Variants in GRIP1 observed in about 807,000 individuals in gnomAD.
The protein encoded by GRIP1 is glutamate receptor-interacting protein 1.
A neutral mutation model predicts 129.9 loss-of-function variants in GRIP1; 45 were observed. The ratio of observed to expected loss-of-function variants is 0.35; its 90% confidence interval spans 0.27 to 0.44. The LOEUF (loss-of-function observed/expected upper bound fraction) is 0.44. Ranked by LOEUF, GRIP1 falls within the 20% of genes least tolerant of loss-of-function variation. The pLI is 1.00. For missense variants in GRIP1, 1,196 were observed against 1,396.8 expected (o/e 0.86, Z 2.29); for synonymous variants, 530 against 520.8 (o/e 1.02, Z -0.24).
intron 23 of GRIP1, among the ~76,000 whole-genome samples, chr12:66,358,108 G>T (rs2054578981): frequency 6.6e-6 from 1 of 152,200 alleles, no homozygotes; most frequent in Admixed American, 6.5e-5. Context: ...TGGCCAGGCT[G>T]GTCTTGAACT....
intron 1 of GRIP1, among the ~76,000 whole-genome samples, chr12:66,821,972 G>C (rs2039327879): frequency 6.6e-6 from 1 of 151,982 alleles, no homozygotes; most frequent in African/African-American, 2.4e-5. Flanking sequence ...AAATAGAATA[G>C]GGGCCAAGTG....
intron 9 of GRIP1, among the ~76,000 whole-genome samples, chr12:66,461,485 G>A (rs145685284): frequency 1.3e-5 from 2 of 152,292 alleles, no homozygotes; most frequent in African/African-American, 4.8e-5. Context: ...TAGGAATGGT[G>A]TGCATCCTTG....
At chr12:66,986,899 T>C (rs983742044) in intron 1 of GRIP1, among the ~76,000 whole-genome samples, 4 of 151,696 alleles carry the variant, frequency 2.6e-5, no homozygotes, top group East Asian at 1.9e-4. Context: ...TAAAAATCAT[T>C]TGGAGACATT....
chr12:67,029,653 C>G (rs1194125373), intron 1 of GRIP1, among the ~76,000 whole-genome samples: 1 of 148,980 alleles, frequency 6.7e-6, no homozygotes, highest in South Asian at 2.1e-4. Context: ...TATTATTAAA[C>G]CAAAATCTTG....
chr12:67,014,962 A>C (rs1216124611), intron 1 of GRIP1, among the ~76,000 whole-genome samples: 1 of 152,220 alleles, frequency 6.6e-6, no homozygotes, highest in Non-Finnish European at 1.5e-5. Context: ...GAATGGTTAA[A>C]TGTTTTAAGT....
At chr12:66,355,529 A>G (rs1565659435) in intron 23 of GRIP1, among the ~76,000 whole-genome samples, 2 of 152,146 alleles carry the variant, frequency 1.3e-5, no homozygotes, top group Non-Finnish European at 2.9e-5. Context: ...GTGTGTGTGT[A>G]GCCTAGTGAC....
At chr12:66,450,303 C>CAAAAAAAAAAAAAAAAA (rs143013040) in intron 11 of GRIP1, among the ~76,000 whole-genome samples, 4 of 26,802 alleles carry the variant, frequency 1.5e-4, no homozygotes, top group Non-Finnish European at 1.8e-4. Flanking sequence ...GACTCCATCT[C>CAAAAAAAAAAAAAAAAA]AAAAAAAAAA....
intron 1 of GRIP1, among the ~76,000 whole-genome samples, chr12:66,708,733 A>T (rs537012137): frequency 6.6e-6 from 1 of 151,890 alleles, no homozygotes; most frequent in Non-Finnish European, 1.5e-5. Flanking sequence ...GTTTTGTTAC[A>T]TAGGTATACA....
At chr12:66,827,664 G>A (rs2039443447) in intron 1 of GRIP1, among the ~76,000 whole-genome samples, 1 of 152,036 alleles carries the variant, frequency 6.6e-6, no homozygotes, top group African/African-American at 2.4e-5. Flanking sequence ...CTATTTTAAT[G>A]CTTAGAAGAT....
chr12:67,005,833 A>C (rs1218445718), intron 1 of GRIP1, among the ~76,000 whole-genome samples: 2 of 152,364 alleles, frequency 1.3e-5, no homozygotes, highest in Non-Finnish European at 1.5e-5. Context: ...ATCAGCATTA[A>C]AACAGAACAA....
chr12:66,907,798 G>C (rs762907175), intron 1 of GRIP1, among the ~76,000 whole-genome samples: 28 of 152,108 alleles, frequency 1.8e-4, no homozygotes, highest in Non-Finnish European at 4.0e-4. Flanking sequence ...AAGTAAAACA[G>C]AAAGAGATTC....
chr12:66,978,499 A>G (rs2042188864), intron 1 of GRIP1, among the ~76,000 whole-genome samples: 1 of 152,166 alleles, frequency 6.6e-6, no homozygotes, highest in Non-Finnish European at 1.5e-5. Flanking sequence ...CTTTGTCTTA[A>G]GTAATTATGT....
intron 2 of GRIP1, among the ~76,000 whole-genome samples, chr12:66,553,182 A>G (rs2062200175): frequency 6.6e-6 from 1 of 152,218 alleles, no homozygotes; most frequent in Admixed American, 6.5e-5. Context: ...CAGATAAAGC[A>G]GTCACTACTG....
intron 15 of GRIP1, among the ~76,000 whole-genome samples, chr12:66,410,460 C>T (rs1178021038): frequency 6.1e-5 from 8 of 132,042 alleles, no homozygotes; most frequent in South Asian, 2.6e-4. Context: ...GGTGAAAGCC[C>T]GTCTCTACTA....
chr12:66,979,233 A>C (rs11176513), intron 1 of GRIP1, among the ~76,000 whole-genome samples: 185 of 100,100 alleles, frequency 1.8e-3, no homozygotes, highest in South Asian at 4.6e-3. Context: ...AAAAAAAAAA[A>C]AAAAAAAAAA....
chr12:66,749,297 T>C (rs1399537781), intron 1 of GRIP1, among the ~76,000 whole-genome samples: 2 of 152,196 alleles, frequency 1.3e-5, no homozygotes, highest in African/African-American at 2.4e-5. Context: ...ACACCACTTA[T>C]TGATCCACCT....
At chr12:66,742,498 CAACAACAGCACTTCCAGGATCAT>C (rs2036818545) in intron 1 of GRIP1, among the ~76,000 whole-genome samples, 1 of 152,036 alleles carries the variant, frequency 6.6e-6, no homozygotes, top group Non-Finnish European at 1.5e-5. Flanking sequence ...CAAGTAAAAA[CAACAACAGCACTTCCAGGATCAT>C]CTTGAAGAAA....
intron 7 of GRIP1, among the ~76,000 whole-genome samples, chr12:66,502,220 C>G (rs1413240916): frequency 6.6e-6 from 1 of 151,900 alleles, no homozygotes; most frequent in East Asian, 1.9e-4. Context: ...GAGTAGTGGC[C>G]CAAAGATTTT....
chr12:66,474,697 T>C (rs1022300395), intron 7 of GRIP1, among the ~76,000 whole-genome samples: 7 of 152,006 alleles, frequency 4.6e-5, no homozygotes, highest in Non-Finnish European at 1.0e-4. Context: ...GAAAAGAATT[T>C]TCAACCCAGA....
Sources: gnomAD v4.1 joint callset for allele counts (sites outside exome capture counted in the v4.1 genomes callset) on GRCh38, gnomAD v4.1.1 for gene constraint, MANE v1.5 for transcripts, NCBI Gene and HGNC (gene_info 2026-07-23, HGNC 2026-07-21) for gene names.